Variants in MEMO1 observed in about 807,000 individuals in gnomAD.
The protein encoded by MEMO1 is mediator of cell motility 1, also known as protein MEMO1.
Under a neutral mutation model 45.2 loss-of-function variants are expected in MEMO1, and 6 were observed. The ratio of observed to expected loss-of-function variants is 0.13; its 90% CI spans 0.07 to 0.26. The LOEUF is 0.26. Among genes scored for constraint, MEMO1 ranks in the 10% least tolerant of loss-of-function variants. The pLI is 1.00. For missense variants in MEMO1, 184 were observed against 370.5 expected, an observed-to-expected ratio of 0.50 and a Z score of 4.13; for synonymous variants, 78 against 124.3, an observed-to-expected ratio of 0.63 and a Z score of 2.48.
chr2:32,009,707 G>A (rs1174942938), intron 2 of MEMO1, among the ~76,000 whole-genome samples: 1 of 152,184 alleles, frequency 6.6e-6, no homozygotes, highest in African/African-American at 2.4e-5. Flanking sequence ...GACGGGAGAG[G>A]AAAGGAAAGG....
chr2:31,915,739 G>A (rs1283842199), intron 6 of MEMO1, among the ~76,000 whole-genome samples: 1 of 152,182 alleles, frequency 6.6e-6, no homozygotes, highest in African/African-American at 2.4e-5. Flanking sequence ...AGATACTGTA[G>A]CCCCATTTGA....
intron 9 of MEMO1, 78 bp downstream of exon 9, chr2:31,869,770 C>A: frequency 7.1e-7 from 1 of 1,417,222 alleles, no homozygotes; most frequent in Non-Finnish European, 9.4e-7. Context: ...ACCAATGATG[C>A]CATTGTATCA....
intron 6 of MEMO1, among the ~76,000 whole-genome samples, chr2:31,914,682 A>G (rs1289644804): frequency 2.6e-5 from 4 of 152,180 alleles, no homozygotes; most frequent in Admixed American, 2.6e-4. Context: ...GTGATTTGTT[A>G]TGCTGCAATA....
At chr2:31,987,215 C>G (rs1478639129) in intron 2 of MEMO1, among the ~76,000 whole-genome samples, 1 of 152,066 alleles carries the variant, frequency 6.6e-6, no homozygotes, top group Non-Finnish European at 1.5e-5. Context: ...GTTGTCCTGG[C>G]TGGTCTCAAA....
intron 7 of MEMO1, among the ~76,000 whole-genome samples, chr2:31,888,045 G>C (rs1676444240): frequency 6.6e-6 from 1 of 151,984 alleles, no homozygotes; most frequent in African/African-American, 2.4e-5. Flanking sequence ...ATTCAAAATT[G>C]CTGAAAAGAC....
intron 6 of MEMO1, among the ~76,000 whole-genome samples, chr2:31,915,582 G>A (rs1431499498): frequency 1.6e-4 from 24 of 150,074 alleles, no homozygotes; most frequent in Non-Finnish European, 3.0e-4. Context: ...AGAAGAAGAA[G>A]TCTAAGCTAT....
intron 5 of MEMO1, among the ~76,000 whole-genome samples, chr2:31,920,337 C>A (rs1354459306): frequency 2.0e-5 from 3 of 151,996 alleles, no homozygotes; most frequent in African/African-American, 7.2e-5. Flanking sequence ...TTATATAGCA[C>A]CTTTCTTTCA....
At position 31,876,107 on chromosome 2, in the gene MEMO1, C is replaced by A. The variant is rs76273111; in HGVS notation, c.658-6155G>T. Among the ~76,000 whole-genome samples the A allele has an allele frequency of 6.9e-3, 1,055 of 152,192 alleles. 4 individuals are homozygous for A. The highest frequency in any genetic ancestry group is 0.011 in the Non-Finnish European group (737 of 68,006). ...CTATTGTACTTATATAAAGTTCTTA[C>A]CTTCAATTATTACCCTATATTATCA... On this transcript the variant is annotated intron_variant, in intron 8 of 9. Transcript: ENST00000404530.
At chr2:31,975,821 T>C (rs544051469) in intron 2 of MEMO1, among the ~76,000 whole-genome samples, 8 of 152,310 alleles carry the variant, frequency 5.3e-5, no homozygotes, top group Admixed American at 2.6e-4. Flanking sequence ...AATCACTTTC[T>C]CTTCAAGTGG....
At chr2:31,919,955 T>TAC (rs1682036405) in intron 5 of MEMO1, among the ~76,000 whole-genome samples, 4 of 142,204 alleles carry the variant, frequency 2.8e-5, no homozygotes, top group African/African-American at 1.0e-4. Flanking sequence ...TACACGTGTG[T>TAC]GTGTGTGTGT....
At chr2:31,954,120 G>A (rs557234378) in intron 2 of MEMO1, among the ~76,000 whole-genome samples, 5 of 152,262 alleles carry the variant, frequency 3.3e-5, no homozygotes, top group African/African-American at 1.2e-4. Context: ...AACACAGAGG[G>A]AACAACTAGT....
At chr2:31,928,086 T>G (rs1008538974) in intron 4 of MEMO1, among the ~76,000 whole-genome samples, 4 of 152,358 alleles carry the variant, frequency 2.6e-5, no homozygotes, top group Admixed American at 1.3e-4. Context: ...AAATATGCTT[T>G]AATTTATTCA....
At chr2:31,993,283 A>C (rs908367187) in intron 2 of MEMO1, among the ~76,000 whole-genome samples, 1 of 152,266 alleles carries the variant, frequency 6.6e-6, no homozygotes, top group African/African-American at 2.4e-5. Context: ...AGGAAGTAAC[A>C]GGTCCAAACA....
intron 2 of MEMO1, among the ~76,000 whole-genome samples, chr2:31,996,996 G>T (rs1240234777): frequency 6.6e-6 from 1 of 152,144 alleles, no homozygotes; most frequent in African/African-American, 2.4e-5. Flanking sequence ...AGTCTACTGT[G>T]AGCTGTCAGG....
intron 3 of MEMO1, among the ~76,000 whole-genome samples, chr2:31,937,950 T>C (rs899377220): frequency 6.6e-6 from 1 of 152,216 alleles, no homozygotes; most frequent in African/African-American, 2.4e-5. Flanking sequence ...TGAAGATATC[T>C]GGAAGTCATG....
rs886421746 is a variant in MEMO1, at chr2:31,867,892, T to C, written c.*469A>G. 2 of 152,514 alleles carry C rather than the reference T, an allele frequency of 1.3e-5. No homozygotes were observed. Among genetic ancestry groups the C allele is most frequent in the African/African-American group, 4.8e-5 (2 of 41,434 alleles). The allele number at this position is 152,514 out of a possible 1,614,324, so 9.4% of individuals were successfully genotyped here. A position where few individuals can be genotyped will look rare whatever the true frequency, so the allele number is the denominator to read the frequency against. ...TCTGTTGTACAACATGGGTAGTAATTGACTATAACTGGAGATTTATTATAT... is the reference window on the plus strand; with the variant it reads ...TCTGTTGTACAACATGGGTAGTAATCGACTATAACTGGAGATTTATTATAT... On this transcript the variant is annotated 3_prime_UTR_variant, in exon 10 of 10. Transcript: ENST00000404530.
intron 3 of MEMO1, among the ~76,000 whole-genome samples, chr2:31,940,526 T>C (rs1665484767): frequency 6.6e-6 from 1 of 152,218 alleles, no homozygotes; most frequent in Non-Finnish European, 1.5e-5. Context: ...TCAGTCATGA[T>C]ATTTTAAAAC....
chr2:32,002,043 G>T (rs1673385458), intron 2 of MEMO1, among the ~76,000 whole-genome samples: 1 of 150,722 alleles, frequency 6.6e-6, no homozygotes, highest in Admixed American at 6.6e-5. Context: ...CTACTTGGGA[G>T]GCTGAGGCAG....
chr2:31,991,674 C>A (rs906531460), intron 2 of MEMO1, among the ~76,000 whole-genome samples: 2 of 21,392 alleles, frequency 9.3e-5, no homozygotes, highest in Non-Finnish European at 7.7e-5. Flanking sequence ...CAATATTAAG[C>A]CATAATTCAA....
Sources: gnomAD v4.1 joint callset for allele counts (sites outside exome capture counted in the v4.1 genomes callset) on GRCh38, gnomAD v4.1.1 for gene constraint, MANE v1.5 for transcripts, NCBI Gene and HGNC (gene_info 2026-07-23, HGNC 2026-07-21) for gene names.